Variants in CDC42SE2 observed in about 807,000 individuals in gnomAD.
CDC42SE2 encodes CDC42 small effector 2, also known as CDC42 small effector protein 2.
Under a neutral mutation model 11.5 loss-of-function variants are expected in CDC42SE2, and 3 were observed. The ratio of observed to expected loss-of-function variants is 0.26; its 90% CI spans 0.12 to 0.67. The LOEUF (loss-of-function observed/expected upper bound fraction) is 0.67. Among genes scored for constraint, CDC42SE2 ranks in the 30% least tolerant of loss-of-function variants. CDC42SE2 has a pLI of 0.80. For synonymous variants in CDC42SE2, 33 were observed against 34.8 expected, an observed-to-expected ratio of 0.95 and a Z score of 0.18; for missense variants, 82 against 106.8, an observed-to-expected ratio of 0.77 and a Z score of 1.02.
In CDC42SE2 at chr5:131,387,677, T is replaced by C. The variant is rs181664265; in HGVS notation, c.156+2033T>C. On this transcript the variant is annotated intron_variant, in intron 4 of 4. Transcript: ENST00000505065. ...TGAAAAACCTGTCATTGGCTTACTATTTTTTTGCTTCTCATAGTTTAGGTA... is the reference window on the plus strand; with the variant it reads ...TGAAAAACCTGTCATTGGCTTACTACTTTTTTGCTTCTCATAGTTTAGGTA... Among the ~76,000 whole-genome samples the C allele has an allele frequency of 2.0e-4, 31 of 152,276 alleles. 1 individual carries two copies. The South Asian group carries it at 2.3e-3, about 11-fold the overall frequency.
intron 2 of CDC42SE2, among the ~76,000 whole-genome samples, chr5:131,341,454 T>C (rs548741393): frequency 1.3e-5 from 2 of 152,328 alleles, no homozygotes; most frequent in East Asian, 3.9e-4. Context: ...CAATCAAATA[T>C]CAAATGTAAG....
intron 2 of CDC42SE2, among the ~76,000 whole-genome samples, chr5:131,337,892 G>C (rs563525248): frequency 1.3e-5 from 2 of 152,322 alleles, no homozygotes; most frequent in East Asian, 3.9e-4. Context: ...CTAGGAAAGG[G>C]AATTCCCTGA....
At chr5:131,312,929 C>T (rs10055329) in intron 1 of CDC42SE2, among the ~76,000 whole-genome samples, 4,878 of 152,172 alleles carry the variant, frequency 0.032, 204 homozygotes, top group African/African-American at 0.096. Context: ...GATCTGTAGA[C>T]GGGAGCTGTT....
intron 3 of CDC42SE2, 41 bp downstream of exon 3, chr5:131,359,588 T>C (rs747175072): frequency 6.8e-7 from 1 of 1,474,704 alleles, no homozygotes; most frequent in Non-Finnish European, 9.5e-7. Context: ...GGGGTGCTTA[T>C]TAAACTTTCC....
chr5:131,378,810 A>G (rs1380539172), intron 3 of CDC42SE2, among the ~76,000 whole-genome samples: 1 of 151,938 alleles, frequency 6.6e-6, no homozygotes, highest in Non-Finnish European at 1.5e-5. Context: ...TGACTTTTGC[A>G]TAGTGCTTGG....
At chr5:131,279,878 GC>G (rs1349614480) in intron 1 of CDC42SE2, among the ~76,000 whole-genome samples, 2 of 152,116 alleles carry the variant, frequency 1.3e-5, no homozygotes, top group Non-Finnish European at 2.9e-5. Context: ...TTCGAGATCA[GC>G]CCAGGCAACA....
At chr5:131,349,667 T>C (rs568024887) in intron 2 of CDC42SE2, among the ~76,000 whole-genome samples, 4 of 152,246 alleles carry the variant, frequency 2.6e-5, no homozygotes, top group East Asian at 1.9e-4. Context: ...GCAAAATCCA[T>C]TGGGAACAAC....
Position 131,292,906 on chromosome 5 carries a change from C to CA in CDC42SE2, c.-454-23042dup, listed in dbSNP as rs869300653. Among the ~76,000 whole-genome samples, 352 of 58,890 alleles carry CA rather than the reference C, an allele frequency of 6.0e-3. 44 individuals are homozygous for CA. Among genetic ancestry groups the CA allele is most frequent in the African/African-American group, 0.032 (319 of 9,842 alleles). The allele number at this position is 58,890 out of a possible 152,430, so 38.6% of individuals were successfully genotyped here. A position where few individuals can be genotyped will look rare whatever the true frequency, so the allele number is the denominator to read the frequency against. On this transcript the variant is annotated intron_variant, in intron 1 of 4. Coordinates refer to ENST00000505065, the MANE Select transcript of CDC42SE2 (RefSeq NM_001375635.1). ...TGGGTGACAGTGCGAGACCCTGTCT[C>CA]AAAAAAAAAAAAAAAAAAAAAAAAA...
intron 3 of CDC42SE2, among the ~76,000 whole-genome samples, chr5:131,380,727 T>A (rs866519899): frequency 6.6e-6 from 1 of 152,196 alleles, no homozygotes; most frequent in Non-Finnish European, 1.5e-5. Flanking sequence ...AAATTGAGCA[T>A]AATGAATTCT....
At chr5:131,341,979 C>T (rs953160435) in intron 2 of CDC42SE2, among the ~76,000 whole-genome samples, 1 of 151,706 alleles carries the variant, frequency 6.6e-6, no homozygotes, top group East Asian at 1.9e-4. Flanking sequence ...ATCTTACTTA[C>T]AATTATAAAA....
chr5:131,215,686 AG>A, the CDC42SE2 span, among the ~76,000 whole-genome samples: 7 of 152,196 alleles, frequency 4.6e-5, no homozygotes, highest in South Asian at 2.1e-4. Flanking sequence ...GTTTAAATCA[AG>A]AGAACGACCT....
chr5:131,342,827 C>G (rs370556713), intron 2 of CDC42SE2, among the ~76,000 whole-genome samples: 2 of 152,100 alleles, frequency 1.3e-5, no homozygotes, highest in African/African-American at 2.4e-5. Flanking sequence ...ATTCTTGTGC[C>G]TCAGCTTCCC....
chr5:131,238,437 A>T, the CDC42SE2 span, among the ~76,000 whole-genome samples: 1 of 150,440 alleles, frequency 6.6e-6, no homozygotes, highest in South Asian at 2.1e-4. Context: ...CGGGAGGCAG[A>T]GCTTACAGTG....
chr5:131,382,425 C>G (rs1246762487), intron 3 of CDC42SE2, among the ~76,000 whole-genome samples: 2 of 152,196 alleles, frequency 1.3e-5, no homozygotes, highest in African/African-American at 4.8e-5. Flanking sequence ...GAATAAATCA[C>G]TTAATATGGA....
the CDC42SE2 span, among the ~76,000 whole-genome samples, chr5:131,221,596 T>TG: frequency 6.6e-6 from 1 of 151,242 alleles, no homozygotes; most frequent in African/African-American, 2.4e-5. Flanking sequence ...ACATTACCAG[T>TG]GAAAAAAAAA....
chr5:131,238,178 T>C, the CDC42SE2 span, among the ~76,000 whole-genome samples: 8 of 151,872 alleles, frequency 5.3e-5, no homozygotes, highest in Admixed American at 4.6e-4. Context: ...CTAGGACGAA[T>C]ACCTAATGCA....
chr5:131,321,697 T>C (rs1463530501), intron 2 of CDC42SE2, among the ~76,000 whole-genome samples: 1 of 151,982 alleles, frequency 6.6e-6, no homozygotes, highest in African/African-American at 2.4e-5. Flanking sequence ...AGGATAATGG[T>C]GGGAAACTTA....
Position 131,359,311 on chromosome 5 carries a change from C to A in CDC42SE2, c.-183C>A. 1 of 615,388 alleles carries A rather than the reference C, an allele frequency of 1.6e-6. No homozygotes were observed. Among genetic ancestry groups the A allele is most frequent in the East Asian group, 2.7e-5 (1 of 36,590 alleles). 38.1% of individuals were successfully genotyped at this position (615,388 alleles called of 1,614,324 possible). ...CCAGAAGCAAAGAAAGGAAACAATC[C>A]AAATTTTTCTTTATTAAATCGACTG... On this transcript the variant is annotated 5_prime_UTR_variant, in exon 3 of 5. Transcript: ENST00000505065.
intron 3 of CDC42SE2, among the ~76,000 whole-genome samples, chr5:131,374,625 G>A (rs1427061596): frequency 6.6e-6 from 1 of 151,022 alleles, no homozygotes; most frequent in African/African-American, 2.4e-5. Context: ...AGCAATTCCA[G>A]TGCAAAGTGT....
Sources: gnomAD v4.1 joint callset for allele counts (sites outside exome capture counted in the v4.1 genomes callset) on GRCh38, gnomAD v4.1.1 for gene constraint, MANE v1.5 for transcripts, NCBI Gene and HGNC (gene_info 2026-07-23, HGNC 2026-07-21) for gene names.